The following PARP8 variants were observed in gnomAD, a reference collection of about 807,000 sequenced individuals.
PARP8 encodes protein mono-ADP-ribosyltransferase PARP8.
In PARP8, 51 loss-of-function variants were observed where a neutral mutation model predicts 124.1. That is an observed-to-expected ratio of 0.41 (90% CI 0.33 to 0.52). The LOEUF is 0.52. Among genes scored for constraint, PARP8 ranks in the 20% least tolerant of loss-of-function variants. The pLI is 0.21. For missense variants in PARP8, 860 were observed against 1,018.9 expected, an observed-to-expected ratio of 0.84 and a Z score of 2.12; for synonymous variants, 391 against 361.5, an observed-to-expected ratio of 1.08 and a Z score of -0.93.
intron 10 of PARP8, among the ~76,000 whole-genome samples, chr5:50,789,643 G>T (rs146432182): frequency 3.4e-4 from 51 of 152,226 alleles, no homozygotes; most frequent in African/African-American, 1.2e-3. Context: ...ACCTCAGTTC[G>T]CCATGGTCAG....
intron 2 of PARP8, among the ~76,000 whole-genome samples, chr5:50,732,700 G>T (rs2697661): frequency 0.059 from 8,942 of 151,764 alleles, 325 homozygotes; most frequent in South Asian, 0.18. Context: ...CTCACTGCAA[G>T]CTCCGCCACC....
intron 2 of PARP8, among the ~76,000 whole-genome samples, chr5:50,745,978 G>T (rs1378278545): frequency 5.9e-5 from 9 of 152,128 alleles, no homozygotes; most frequent in African/African-American, 2.2e-4. Flanking sequence ...TTCCAAAGCT[G>T]CTCTATTGGC....
At chr5:50,684,720 G>A (rs1396955763) in intron 2 of PARP8, among the ~76,000 whole-genome samples, 2 of 152,062 alleles carry the variant, frequency 1.3e-5, no homozygotes, top group Non-Finnish European at 2.9e-5. Flanking sequence ...ATTTATACGT[G>A]GACTTTAAAA....
chr5:50,703,175 C>T (rs570690039), intron 2 of PARP8, among the ~76,000 whole-genome samples: 3 of 152,020 alleles, frequency 2.0e-5, no homozygotes, highest in African/African-American at 7.2e-5. Context: ...GCAGCCTGCA[C>T]CTTAAGTCCC....
chr5:50,750,404 C>A (rs1175928805), intron 3 of PARP8, among the ~76,000 whole-genome samples: 1 of 152,058 alleles, frequency 6.6e-6, no homozygotes, highest in Non-Finnish European at 1.5e-5. Flanking sequence ...ATGAAAAGTT[C>A]TTTAAAGATC....
intron 2 of PARP8, chr5:50,668,598 T>C (rs1749642190): frequency 6.5e-6 from 1 of 154,200 alleles, no homozygotes; most frequent in African/African-American, 2.4e-5. Context: ...CATTTTTTTT[T>C]CAATGAGTGG....
intron 3 of PARP8, among the ~76,000 whole-genome samples, chr5:50,754,146 TATATAC>T (rs1358735506): frequency 4.7e-5 from 1 of 21,424 alleles, no homozygotes; most frequent in African/African-American, 1.3e-4. Context: ...TATATATATA[TATATAC>T]ACACACACAC....
chr5:50,675,008 A>G (rs1750450586), intron 2 of PARP8, among the ~76,000 whole-genome samples: 1 of 152,260 alleles, frequency 6.6e-6, no homozygotes, highest in Non-Finnish European at 1.5e-5. Context: ...CAATGACAAA[A>G]GTCTTGAATG....
chr5:50,738,972 G>A (rs1385199562), intron 2 of PARP8: 1 of 702,388 alleles, frequency 1.4e-6, no homozygotes, highest in Admixed American at 2.0e-5. Flanking sequence ...ACATTTTTCT[G>A]TATCAAGCAC....
chr5:50,814,059 C>G (rs1159086700), intron 14 of PARP8, among the ~76,000 whole-genome samples: 3 of 152,022 alleles, frequency 2.0e-5, no homozygotes, highest in African/African-American at 7.2e-5. Flanking sequence ...AGAATAAATT[C>G]CCAAGGCCTT....
intron 2 of PARP8, among the ~76,000 whole-genome samples, chr5:50,715,692 A>T (rs1755234675): frequency 6.6e-6 from 1 of 152,024 alleles, no homozygotes; most frequent in Non-Finnish European, 1.5e-5. Context: ...AATATAAAAA[A>T]CTTTAGTGTT....
chr5:50,722,661 C>G (rs536534569), intron 2 of PARP8, among the ~76,000 whole-genome samples: 8 of 152,162 alleles, frequency 5.3e-5, no homozygotes, highest in African/African-American at 1.9e-4. Flanking sequence ...ACTGTGTGCC[C>G]TGGAGGAAAT....
rs1749364273 is a variant in PARP8 at position 50,667,027 on chromosome 5, G to A, written c.-69G>A. On this transcript the variant is annotated 5_prime_UTR_variant, in exon 1 of 26. Coordinates refer to ENST00000281631, the MANE Select transcript of PARP8 (RefSeq NM_024615.4). Reference sequence around the variant, plus strand: ...CATTTTTAACTGAATATTTACGAAAGCTGGAAGCGTGCGAGGGGGGTGGGG... The same window carrying A: ...CATTTTTAACTGAATATTTACGAAAACTGGAAGCGTGCGAGGGGGGTGGGG... 4 of 1,586,872 alleles carry A rather than the reference G, an allele frequency of 2.5e-6. No homozygotes were observed. In the East Asian group the frequency reaches 9.0e-5, roughly 36 times the overall value.
At chr5:50,805,597 G>T (rs1042948692) in intron 14 of PARP8, among the ~76,000 whole-genome samples, 21 of 152,142 alleles carry the variant, frequency 1.4e-4, no homozygotes, top group Admixed American at 6.5e-4. Flanking sequence ...CTTTTTAAAA[G>T]AAACCTGTCT....
intron 2 of PARP8, among the ~76,000 whole-genome samples, chr5:50,674,303 A>G (rs1229048626): frequency 2.6e-5 from 4 of 152,180 alleles, no homozygotes; most frequent in Non-Finnish European, 5.9e-5. Context: ...TGAGCCCGGT[A>G]TGGGGATTAC....
intron 3 of PARP8, among the ~76,000 whole-genome samples, chr5:50,753,675 C>T (rs190777844): frequency 6.6e-6 from 1 of 151,950 alleles, no homozygotes; most frequent in East Asian, 1.9e-4. Flanking sequence ...TAATAATTGA[C>T]TGCTATAGGG....
chr5:50,781,698 G>A (rs1740692829), intron 9 of PARP8, among the ~76,000 whole-genome samples: 1 of 152,176 alleles, frequency 6.6e-6, no homozygotes, highest in African/African-American at 2.4e-5. Flanking sequence ...TTCCTGGGGA[G>A]TGCAGATAAG....
chr5:50,736,314 G>T (rs1207371665), intron 2 of PARP8, among the ~76,000 whole-genome samples: 1 of 152,140 alleles, frequency 6.6e-6, no homozygotes, highest in East Asian at 1.9e-4. Flanking sequence ...CATTAAGCTA[G>T]TTTTATATCT....
intron 25 of PARP8, 113 bp downstream of exon 25, chr5:50,835,128 T>G: frequency 5.3e-6 from 4 of 751,980 alleles, no homozygotes; most frequent in Non-Finnish European, 8.8e-6. Context: ...GTAATTGAGT[T>G]TAACATCAAC....
Sources: gnomAD v4.1 joint callset for allele counts (sites outside exome capture counted in the v4.1 genomes callset) on GRCh38, gnomAD v4.1.1 for gene constraint, MANE v1.5 for transcripts, NCBI Gene and HGNC (gene_info 2026-07-23, HGNC 2026-07-21) for gene names.